Variants in FGF12 observed in about 807,000 individuals in gnomAD.
FGF12 encodes the protein fibroblast growth factor 12, also known as fibroblast growth factor 12B.
A neutral mutation model predicts 23.6 loss-of-function variants in FGF12; 14 were observed. The ratio of observed to expected loss-of-function variants is 0.59; its 90% CI spans 0.39 to 0.93. The LOEUF (loss-of-function observed/expected upper bound fraction) is 0.93, where lower values mean the gene tolerates loss of function less well. Among genes scored for constraint, FGF12 ranks in the 40% least tolerant of loss-of-function variants. FGF12 has a pLI of 0.00. For synonymous variants in FGF12, 62 were observed against 77.3 expected (o/e 0.80, Z 1.04); for missense variants, 175 against 217.8 (o/e 0.80, Z 1.24).
intron 2 of FGF12, among the ~76,000 whole-genome samples, chr3:192,554,186 A>G (rs1375503948): frequency 6.6e-6 from 1 of 152,214 alleles, no homozygotes; most frequent in Non-Finnish European, 1.5e-5. Context: ...CTGATAACAT[A>G]CAACAGACAG....
intron 2 of FGF12, among the ~76,000 whole-genome samples, chr3:192,530,846 G>C (rs1725068584): frequency 6.6e-6 from 1 of 151,668 alleles, no homozygotes; most frequent in Non-Finnish European, 1.5e-5. Context: ...ATAGAGTCTT[G>C]TTCTGTCACC....
intron 2 of FGF12, among the ~76,000 whole-genome samples, chr3:192,683,871 G>A (rs2108710914): frequency 1.3e-5 from 2 of 152,288 alleles, no homozygotes; most frequent in East Asian, 3.9e-4. Context: ...CTGTTCGGCT[G>A]CAACTCAACC....
chr3:192,329,672 C>A (rs113290903), intron 4 of FGF12, among the ~76,000 whole-genome samples: 10 of 152,280 alleles, frequency 6.6e-5, no homozygotes, highest in African/African-American at 1.9e-4. Context: ...GCACTGTGAT[C>A]ATTTGAGAAA....
chr3:192,373,290 T>TTA (rs1719320510), intron 2 of FGF12, among the ~76,000 whole-genome samples: 1 of 151,894 alleles, frequency 6.6e-6, no homozygotes, highest in South Asian at 2.1e-4. Context: ...GCAAACATTT[T>TTA]TTTTTTTTTT....
chr3:192,282,330 CAA>C (rs916166971), intron 4 of FGF12, among the ~76,000 whole-genome samples: 2 of 152,040 alleles, frequency 1.3e-5, no homozygotes, highest in Admixed American at 6.6e-5. Context: ...AACTGGATGA[CAA>C]AGAAGAGAAT....
chr3:192,299,965 G>T (rs914635033), intron 4 of FGF12, among the ~76,000 whole-genome samples: 5 of 152,138 alleles, frequency 3.3e-5, no homozygotes, highest in African/African-American at 1.2e-4. Flanking sequence ...GCTGCCTCAG[G>T]TATTTATGCA....
At position 192,664,594 on chromosome 3, in the gene FGF12, C is replaced by CAAAAAAAAAAAAAA. The variant is rs1482447213; in HGVS notation, c.13+62586_13+62587insTTTTTTTTTTTTTT. On this transcript the variant is annotated intron_variant, in intron 2 of 5. Coordinates refer to ENST00000445105, the MANE Select transcript of FGF12 (RefSeq NM_004113.6). ...TGAAACCCTGTCTCTACTAAAAATA[C>CAAAAAAAAAAAAAA]AAAAAAAATACAAAAAAAAAAAAAA... 4.9e-4 allele frequency among the ~76,000 whole-genome samples: 48 copies of CAAAAAAAAAAAAAA among 97,040 alleles called. 3 individuals are homozygous for CAAAAAAAAAAAAAA. The highest frequency in any genetic ancestry group is 8.7e-4 in the African/African-American group (20 of 23,058). The allele number at this position is 97,040 out of a possible 152,430, so 63.7% of individuals were successfully genotyped here. A position where few individuals can be genotyped will look rare whatever the true frequency, so the allele number is the denominator to read the frequency against.
chr3:192,326,842 T>C (rs939972086), intron 4 of FGF12, among the ~76,000 whole-genome samples: 1 of 152,218 alleles, frequency 6.6e-6, no homozygotes, highest in Non-Finnish European at 1.5e-5. Context: ...TGCCTCACAA[T>C]GCTGAGTGAC....
chr3:192,200,095 T>C (rs527928189), intron 4 of FGF12, among the ~76,000 whole-genome samples: 1 of 151,830 alleles, frequency 6.6e-6, no homozygotes, highest in Admixed American at 6.6e-5. Context: ...GGTGGGTGGA[T>C]TGTCTGAGCT....
At chr3:192,268,596 G>C (rs1289063045) in intron 4 of FGF12, 4 of 336,746 alleles carry the variant, frequency 1.2e-5, no homozygotes. Flanking sequence ...ATCTGGCTGT[G>C]TAAAAGTGTG....
At chr3:192,551,227 A>G (rs956902675) in intron 2 of FGF12, among the ~76,000 whole-genome samples, 4 of 152,236 alleles carry the variant, frequency 2.6e-5, no homozygotes, top group African/African-American at 9.6e-5. Flanking sequence ...TTCCAGGGGC[A>G]GCATGGGAGA....
intron 2 of FGF12, among the ~76,000 whole-genome samples, chr3:192,425,904 A>G (rs1721675395): frequency 1.3e-5 from 2 of 152,202 alleles, no homozygotes; most frequent in African/African-American, 4.8e-5. Context: ...AATACATTAA[A>G]ATTACATGGG....
chr3:192,617,565 T>TCA (rs1714808115), intron 2 of FGF12, among the ~76,000 whole-genome samples: 1 of 152,118 alleles, frequency 6.6e-6, no homozygotes, highest in South Asian at 2.1e-4. Context: ...GCCACAGGCA[T>TCA]CATAAGGCAC....
chr3:192,282,857 AGATGT>A (rs1390359553), intron 4 of FGF12: 2 of 152,286 alleles, frequency 1.3e-5, no homozygotes, highest in East Asian at 3.9e-4. Context: ...ATAAGGCACC[AGATGT>A]GATTACTCAG....
intron 2 of FGF12, among the ~76,000 whole-genome samples, chr3:192,551,252 A>G (rs2108585800): frequency 6.6e-6 from 1 of 152,330 alleles, no homozygotes; most frequent in African/African-American, 2.4e-5. Flanking sequence ...GGCCAAATAG[A>G]GAATGACAAT....
At chr3:192,338,674 C>G (rs893117215) in intron 3 of FGF12, among the ~76,000 whole-genome samples, 1 of 152,160 alleles carries the variant, frequency 6.6e-6, no homozygotes, top group South Asian at 2.1e-4. Flanking sequence ...TCCCTGAGAG[C>G]TTTGTGGAGC....
At chr3:192,656,320 C>CACAG (rs1716422071) in intron 2 of FGF12, among the ~76,000 whole-genome samples, 1 of 52,670 alleles carries the variant, frequency 1.9e-5, no homozygotes, top group African/African-American at 5.5e-5. Flanking sequence ...CACACACACA[C>CACAG]AGAGAGAGAA....
intron 2 of FGF12, among the ~76,000 whole-genome samples, chr3:192,608,616 GC>G (rs1714434921): frequency 6.6e-6 from 1 of 152,070 alleles, no homozygotes; most frequent in African/African-American, 2.4e-5. Flanking sequence ...ATTAGGCAGA[GC>G]CCAGAACACC....
intron 2 of FGF12, among the ~76,000 whole-genome samples, chr3:192,527,529 G>A (rs1560140224): frequency 6.6e-6 from 1 of 152,306 alleles, no homozygotes; most frequent in East Asian, 1.9e-4. Context: ...TCTTATGCAA[G>A]TGCACATTGT....
Sources: gnomAD v4.1 joint callset for allele counts (sites outside exome capture counted in the v4.1 genomes callset) on GRCh38, gnomAD v4.1.1 for gene constraint, MANE v1.5 for transcripts, NCBI Gene and HGNC (gene_info 2026-07-23, HGNC 2026-07-21) for gene names.